PTPRS: variants seen among roughly 807,000 people sequenced by gnomAD.
The protein encoded by PTPRS is protein tyrosine phosphatase receptor type S, also known as receptor-type tyrosine-protein phosphatase S.
PTPRS carries 63 observed loss-of-function variants against 215.3 expected under a neutral mutation model. That is an observed-to-expected ratio of 0.29 (90% CI 0.24 to 0.36). PTPRS has a LOEUF of 0.36. Ranked by LOEUF, PTPRS falls within the 10% of genes least tolerant of loss-of-function variation. PTPRS has a pLI of 1.00. For synonymous variants in PTPRS, 1,404 were observed against 1,191.4 expected (o/e 1.18, Z -3.68); for missense variants, 2,258 against 2,825.8 (o/e 0.80, Z 4.56).
At chr19:5,255,225 T>C (rs1294217630) in intron 9 of PTPRS, among the ~76,000 whole-genome samples, 1 of 152,066 alleles carries the variant, frequency 6.6e-6, no homozygotes, top group Non-Finnish European at 1.5e-5. Context: ...TCAGGAAAAT[T>C]GGGCTGCTCT....
chr19:5,210,198 C>T lies in PTPRS; in HGVS notation c.5487+271G>A, dbSNP rs572476956. Among the ~76,000 whole-genome samples the T allele has an allele frequency of 6.6e-6, 1 of 152,188 alleles. No homozygotes were observed. Among genetic ancestry groups the T allele is most frequent in the South Asian group, 2.1e-4 (1 of 4,828 alleles). ...CATCATCCTCCACAGGTGGCTGCTTCCAGAGGAAAGCCCCATTCACTTCCT... is the reference window on the plus strand; with the variant it reads ...CATCATCCTCCACAGGTGGCTGCTTTCAGAGGAAAGCCCCATTCACTTCCT... On this transcript the variant is annotated intron_variant, in intron 35 of 37. Coordinates refer to ENST00000262963, the MANE Select transcript of PTPRS (RefSeq NM_002850.4). The surrounding 1 kb of genome is among the most constrained non-coding windows in gnomAD (Gnocchi z 4.5).
Position 5,231,358 on chromosome 19 carries a change from C to T in PTPRS, c.2107G>A (p.Gly703Arg), listed in dbSNP as rs147750933. The T allele has an allele frequency of 6.2e-7, 1 of 1,612,442 alleles. No individual in the cohort carries two copies. ...ACGGGCGAGCTCTCGGGCCCTGGTC[C>T]CACCTCTGTGTGAGCGACAGTCGTG... ...RITTVAHTEV[G>R]PGPESSPVVV... The change falls in exon 14 of 38, where the codon GGA (glycine) becomes AGA (arginine). Residue 703 changes from glycine to arginine, a missense_variant. Gly to Arg is a moderately radical substitution (Grantham distance 125). Around this residue, in one of 6 missense-constraint regions of PTPRS, gnomAD observed 371 missense variants for 446.7 expected, o/e 0.83. Coordinates refer to ENST00000262963, the MANE Select transcript of PTPRS (RefSeq NM_002850.4).
intron 1 of PTPRS, among the ~76,000 whole-genome samples, chr19:5,290,611 CG>C (rs2048735058): frequency 6.6e-6 from 1 of 152,110 alleles, no homozygotes; most frequent in Admixed American, 6.5e-5. Context: ...AGGAGGCTCC[CG>C]GTGCCTCTCC....
At chr19:5,227,516 G>C (rs748731381) in intron 16 of PTPRS, among the ~76,000 whole-genome samples, 7 of 151,536 alleles carry the variant, frequency 4.6e-5, no homozygotes, top group Non-Finnish European at 8.8e-5. Context: ...CCTAGTTCAA[G>C]CAATTCTCCT....
At chr19:5,297,949 C>T (rs1276351006) in intron 1 of PTPRS, among the ~76,000 whole-genome samples, 2 of 151,974 alleles carry the variant, frequency 1.3e-5, no homozygotes, top group Non-Finnish European at 2.9e-5. Flanking sequence ...CACACCACCA[C>T]GCCCGGCTAA....
intron 13 of PTPRS, among the ~76,000 whole-genome samples, chr19:5,234,184 G>T (rs1454571822): frequency 2.0e-5 from 3 of 149,472 alleles, no homozygotes; most frequent in Non-Finnish European, 4.5e-5. Context: ...TGTAGTAAAA[G>T]CATTTATTTA....
In PTPRS at chr19:5,287,964, G is replaced by GCGCACACACACA. The variant is rs1219846031; in HGVS notation, c.-94-1731_-94-1730insTGTGTGTGTGCG. 7.5e-6 allele frequency among the ~76,000 whole-genome samples: 1 copy of GCGCACACACACA among 133,264 alleles called. No homozygotes were observed. The highest frequency in any genetic ancestry group is 2.8e-5 in the African/African-American group (1 of 35,532). 87.4% of individuals were successfully genotyped at this position (133,264 alleles called of 152,430 possible). A position where few individuals can be genotyped will look rare whatever the true frequency, so the allele number is the denominator to read the frequency against. On this transcript the variant is annotated intron_variant, in intron 1 of 37. Coordinates refer to ENST00000262963, the MANE Select transcript of PTPRS (RefSeq NM_002850.4). This position sits in a 1 kb window ranked among gnomAD's most constrained non-coding sequence, Gnocchi z 4.8. ...TCACACAGTCAGGCAGCAGAGACGGGCACACACACACACACACACACACAC... is the reference window on the plus strand; with the variant it reads ...TCACACAGTCAGGCAGCAGAGACGGGCGCACACACACACACACACACACACACACACACACAC...
chr19:5,319,395 G>T (rs369792156), intron 1 of PTPRS, among the ~76,000 whole-genome samples: 2 of 151,226 alleles, frequency 1.3e-5, no homozygotes, highest in South Asian at 4.2e-4. Flanking sequence ...CAGCCTGGAC[G>T]ACAGAGCCAG....
In PTPRS at chr19:5,240,211, G is replaced by C; in HGVS notation, c.1692C>G (p.Asp564Glu). The change falls in exon 12 of 38, where the codon GAC (aspartate) becomes GAG (glutamate). Residue 564 changes from aspartate to glutamate, a missense_variant. Transcript: ENST00000262963. Reference sequence around the variant, plus strand: ...CGCGCTGCCTCACCTCCCGGCCATGGTCGCCTTCCCGGAAGAGGAGCTCGT... The same window carrying C: ...CGCGCTGCCTCACCTCCCGGCCATGCTCGCCTTCCCGGAAGAGGAGCTCGT... ...IKYELLFREG[D>E]HGREVGRTFD... The C allele has an allele frequency of 6.5e-7, 1 of 1,546,780 alleles. No individual in the cohort carries two copies.
At position 5,286,148 on chromosome 19, in the gene PTPRS, A is replaced by G; in HGVS notation, c.-8T>C. On this transcript the variant is annotated 5_prime_UTR_variant, in exon 2 of 38. Coordinates refer to ENST00000262963, the MANE Select transcript of PTPRS (RefSeq NM_002850.4). ...GCCCCAGGTGGGCGCCATGCTTGGC[A>G]GCGACCTCCGATCTCCGCCCTGGAG... The G allele has an allele frequency of 6.2e-7, 1 of 1,613,456 alleles. No homozygotes were observed. Among genetic ancestry groups the G allele is most frequent in the African/African-American group, 1.3e-5 (1 of 75,046 alleles).
chr19:5,251,216 G>A (rs2146109829), intron 9 of PTPRS, among the ~76,000 whole-genome samples: 1 of 152,102 alleles, frequency 6.6e-6, no homozygotes, highest in South Asian at 2.1e-4. Context: ...CCGCCCCTCA[G>A]CCCACCTGCG....
chr19:5,249,719 TTGAA>T (rs1424725320), intron 9 of PTPRS, among the ~76,000 whole-genome samples: 2 of 152,196 alleles, frequency 1.3e-5, no homozygotes, highest in Non-Finnish European at 2.9e-5. Flanking sequence ...TTGCCACTGG[TTGAA>T]TAATATCCAG....
At chr19:5,303,426 T>A (rs1358144907) in intron 1 of PTPRS, among the ~76,000 whole-genome samples, 1 of 152,124 alleles carries the variant, frequency 6.6e-6, no homozygotes, top group African/African-American at 2.4e-5. Context: ...AGAGCTGTCT[T>A]GAGTGCTGGG....
At chr19:5,227,037 A>T (rs1395098430) in intron 16 of PTPRS, among the ~76,000 whole-genome samples, 1 of 152,018 alleles carries the variant, frequency 6.6e-6, no homozygotes, top group Non-Finnish European at 1.5e-5. Flanking sequence ...GCCCACCCAG[A>T]GAGCTGATTT....
At position 5,273,435 on chromosome 19, in the gene PTPRS, C is replaced by T; in HGVS notation, c.379+7G>A. Reference sequence around the variant, plus strand: ...TTATCCTCCGCCCGCCCTGAGGAGCCCAATACCTCGGAGGACAGTAAGCTT... The same window carrying T: ...TTATCCTCCGCCCGCCCTGAGGAGCTCAATACCTCGGAGGACAGTAAGCTT... On this transcript the variant is annotated splice_region_variant and intron_variant, in intron 4 of 37. Coordinates refer to ENST00000262963, the MANE Select transcript of PTPRS (RefSeq NM_002850.4). 3 of 1,614,130 alleles carry T rather than the reference C, an allele frequency of 1.9e-6. No homozygotes were observed. The highest frequency in any genetic ancestry group is 2.5e-6 in the Non-Finnish European group (3 of 1,180,030).
intron 1 of PTPRS, among the ~76,000 whole-genome samples, chr19:5,319,800 T>C (rs551084264): frequency 6.6e-6 from 1 of 151,984 alleles, no homozygotes; most frequent in South Asian, 2.1e-4. Flanking sequence ...CTCACCTCCA[T>C]CAGGGCTTTG....
chr19:5,340,111 C>T (rs1395735230), intron 1 of PTPRS, among the ~76,000 whole-genome samples: 1 of 151,686 alleles, frequency 6.6e-6, no homozygotes, highest in East Asian at 2.0e-4. Context: ...AGGCGGCGGG[C>T]GCAGCAGCCC....
chr19:5,213,355 C>T (rs1203995286), intron 30 of PTPRS, among the ~76,000 whole-genome samples: 1 of 68,662 alleles, frequency 1.5e-5, no homozygotes, highest in African/African-American at 4.1e-5. Context: ...CCACAGGATC[C>T]TGCATGACCA....
chr19:5,301,799 T>C (rs984901569), intron 1 of PTPRS, among the ~76,000 whole-genome samples: 14 of 151,618 alleles, frequency 9.2e-5, no homozygotes, highest in Admixed American at 5.3e-4. Context: ...GATTGGATGA[T>C]GGATGGAGTC....
Sources: gnomAD v4.1 joint callset for allele counts (sites outside exome capture counted in the v4.1 genomes callset) on GRCh38, gnomAD v4.1.1 for gene constraint, gnomAD v4.1.1 regional missense constraint, Gnocchi (gnomAD v3.1) non-coding constraint, MANE v1.5 for transcripts, NCBI Gene and HGNC (gene_info 2026-07-23, HGNC 2026-07-21) for gene names.